The following RYR3 variants were observed in gnomAD, a reference collection of about 807,000 sequenced individuals.
RYR3 encodes ryanodine receptor 3.
RYR3 carries 207 observed loss-of-function variants against 584.3 expected under a neutral mutation model. The ratio of observed to expected loss-of-function variants is 0.35; its 90% CI spans 0.32 to 0.40. RYR3 has a LOEUF of 0.40. RYR3 is among the 10% of genes least tolerant of loss of function. The pLI is 1.00. For missense variants in RYR3, 5,616 were observed against 6,089.2 expected (o/e 0.92, Z 2.59); for synonymous variants, 2,416 against 2,248.5 (o/e 1.07, Z -2.11).
intron 38 of RYR3, among the ~76,000 whole-genome samples, chr15:33,677,346 T>A (rs1175485254): frequency 1.3e-5 from 2 of 152,120 alleles, no homozygotes; most frequent in Non-Finnish European, 2.9e-5. Flanking sequence ...CCCAGCTGAG[T>A]GAAGACAGAG....
rs547105150 is a variant in RYR3 at position 33,508,190 on chromosome 15, G to A, written c.279+4452G>A. On this transcript the variant is annotated intron_variant, in intron 3 of 103. Transcript: ENST00000634891. ...GATCTTTACAACTACGAAGAGAGAT[G>A]AAATATAAATATAAAATGAATTATA... Among the ~76,000 whole-genome samples, 4 of 152,156 alleles carry A rather than the reference G, an allele frequency of 2.6e-5. No homozygotes were observed. The East Asian group carries it at 7.7e-4, about 29-fold the overall frequency.
In RYR3 at chr15:33,646,389, T is replaced by C. The variant is rs776919758; in HGVS notation, c.3804T>C (p.Cys1268=). The C allele has an allele frequency of 3.1e-6, 5 of 1,613,254 alleles. No homozygotes were observed. In the South Asian group the frequency reaches 5.5e-5, roughly 18 times the overall value. ...RIDGTMDSPP[C]LKVTHKTFGT... ...ATGGCACCATGGACAGCCCTCCGTG[T>C]CTCAAGGTGACGCATAAGACATTTG... Residue 1268 remains cysteine, a synonymous_variant, in exon 29 of 104, where the codon TGT becomes TGC. Coordinates refer to ENST00000634891, the MANE Select transcript of RYR3 (RefSeq NM_001036.6).
intron 103 of RYR3, 140 bp downstream of exon 103, chr15:33,864,329 C>A (rs1172583309): frequency 1.1e-5 from 7 of 645,074 alleles, no homozygotes; most frequent in Non-Finnish European, 1.8e-5. Context: ...TTTTGTGACT[C>A]AATAAGAAGC....
At chr15:33,772,264 A>G in intron 63 of RYR3, 106 bp downstream of exon 63, 1 of 641,080 alleles carries the variant, frequency 1.6e-6, no homozygotes, top group South Asian at 2.0e-5. Flanking sequence ...CAGAGAGAGA[A>G]TTATTCCATG....
At chr15:33,513,268 C>A (rs913384968) in intron 3 of RYR3, among the ~76,000 whole-genome samples, 1 of 152,126 alleles carries the variant, frequency 6.6e-6, no homozygotes, top group Non-Finnish European at 1.5e-5. Flanking sequence ...ATTTCCATTT[C>A]ATTAAAGCTT....
chr15:33,428,777 T>C (rs1409377771), intron 1 of RYR3, among the ~76,000 whole-genome samples: 3 of 152,200 alleles, frequency 2.0e-5, no homozygotes, highest in Non-Finnish European at 4.4e-5. Context: ...ACAGTTATAG[T>C]TCAGGGGATA....
rs777041071 is a variant in RYR3, at chr15:33,662,443, G to A, written c.4913G>A (p.Arg1638Lys). Residue 1638 changes from arginine to lysine, a missense_variant, in exon 35 of 104, where the codon AGG (arginine) becomes AAG (lysine). Transcript: ENST00000634891. ...EYIIPITSTT[R>K]NIRLFPDESK... The stretch of plus-strand genomic sequence containing the variant: ...ATCATCCCCATTACCAGCACCACCA[G>A]GAATATCCGCCTCTTCCCGGACGAG... 1 of 1,613,926 alleles carries A rather than the reference G, an allele frequency of 6.2e-7. No individual in the cohort carries two copies. Among genetic ancestry groups the A allele is most frequent in the Non-Finnish European group, 8.5e-7 (1 of 1,179,904 alleles).
intron 12 of RYR3, among the ~76,000 whole-genome samples, chr15:33,578,893 A>T (rs1181189613): frequency 6.6e-6 from 1 of 152,180 alleles, no homozygotes; most frequent in East Asian, 1.9e-4. Flanking sequence ...CTTCCTCTTC[A>T]TAGCCTTTGC....
intron 2 of RYR3, among the ~76,000 whole-genome samples, chr15:33,488,410 C>T (rs553837460): frequency 1.3e-5 from 2 of 150,532 alleles, no homozygotes; most frequent in African/African-American, 4.9e-5. Flanking sequence ...TTTCTTCCTC[C>T]GCCGACTCCT....
chr15:33,762,023 A>G (rs1050948162), intron 60 of RYR3, among the ~76,000 whole-genome samples: 7 of 152,216 alleles, frequency 4.6e-5, no homozygotes, highest in African/African-American at 1.7e-4. Flanking sequence ...GATTATCTCA[A>G]TAGACTCAGA....
chr15:33,410,097 A>C (rs1449182056), intron 1 of RYR3, among the ~76,000 whole-genome samples: 1 of 152,148 alleles, frequency 6.6e-6, no homozygotes, highest in East Asian at 1.9e-4. Context: ...CCACTGTGTA[A>C]ACATGGTCTG....
rs148846874 is a variant in RYR3 at position 33,607,233 on chromosome 15, A to G, written c.2164+3869A>G. 7.4e-4 allele frequency among the ~76,000 whole-genome samples: 112 copies of G among 152,340 alleles called. 2 individuals carry two copies. In the East Asian group the frequency reaches 0.02, roughly 27 times the overall value. ...GCAAGTGCTGAGCATCGCTGTTTCCAGTTGCCTTGTTACTCATCAGAGGGG... is the reference window on the plus strand; with the variant it reads ...GCAAGTGCTGAGCATCGCTGTTTCCGGTTGCCTTGTTACTCATCAGAGGGG... On this transcript the variant is annotated intron_variant, in intron 18 of 103. Coordinates refer to ENST00000634891, the MANE Select transcript of RYR3 (RefSeq NM_001036.6).
chr15:33,801,402 T>C (rs559303075), intron 68 of RYR3, among the ~76,000 whole-genome samples: 1 of 152,186 alleles, frequency 6.6e-6, no homozygotes, highest in Admixed American at 6.5e-5. Context: ...TTTAATCTCT[T>C]CAAGATCAGG....
At chr15:33,570,311 T>A (rs2057955909) in intron 12 of RYR3, among the ~76,000 whole-genome samples, 1 of 152,162 alleles carries the variant, frequency 6.6e-6, no homozygotes, top group Non-Finnish European at 1.5e-5. Context: ...GATATCAGAT[T>A]TTCCCCTGCA....
intron 19 of RYR3, 87 bp downstream of exon 19, chr15:33,613,462 C>G: frequency 7.5e-7 from 1 of 1,326,304 alleles, no homozygotes; most frequent in South Asian, 1.4e-5. Flanking sequence ...CAGTCTCCTT[C>G]AGGGCTTCAG....
At chr15:33,314,656 T>A (rs1014899031) in intron 1 of RYR3, among the ~76,000 whole-genome samples, 5 of 152,236 alleles carry the variant, frequency 3.3e-5, no homozygotes, top group Admixed American at 2.0e-4. Context: ...GGCTCACGCC[T>A]GTAATCCCAG....
intron 37 of RYR3, among the ~76,000 whole-genome samples, chr15:33,669,785 T>C (rs1242449316): frequency 7.1e-6 from 1 of 141,060 alleles, no homozygotes; most frequent in Non-Finnish European, 1.5e-5. Context: ...ACTCTCAGCT[T>C]CCAGGTGAGA....
At chr15:33,651,507 C>T (rs2062461444) in intron 31 of RYR3, among the ~76,000 whole-genome samples, 1 of 152,212 alleles carries the variant, frequency 6.6e-6, no homozygotes, top group South Asian at 2.1e-4. Context: ...TGCATGCTTA[C>T]AAAGGGGGAA....
rs1274555218 is a variant in RYR3, at chr15:33,588,004, A to T, written c.1788+1888A>T. 2.6e-5 allele frequency among the ~76,000 whole-genome samples: 4 copies of T among 152,204 alleles called. No homozygotes were observed. In the East Asian group the frequency reaches 7.7e-4, roughly 29 times the overall value. ...TGACTAATCCACTTAGTTTTCGGTG[A>T]AGACAATGACTCAAAATATGCAGAA... On this transcript the variant is annotated intron_variant, in intron 16 of 103. Transcript: ENST00000634891.
Sources: gnomAD v4.1 joint callset for allele counts (sites outside exome capture counted in the v4.1 genomes callset) on GRCh38, gnomAD v4.1.1 for gene constraint, MANE v1.5 for transcripts, NCBI Gene and HGNC (gene_info 2026-07-23, HGNC 2026-07-21) for gene names.